Variants in PCDHA3 observed in about 807,000 individuals in gnomAD.
The protein encoded by PCDHA3 is protocadherin alpha 3.
A neutral mutation model predicts 62.2 loss-of-function variants in PCDHA3; 41 were observed. That is an observed-to-expected ratio of 0.66 (90% CI 0.51 to 0.86). PCDHA3 has a LOEUF of 0.86. Among genes scored for constraint, PCDHA3 ranks in the 40% least tolerant of loss-of-function variants. PCDHA3 has a pLI of 0.00. For missense variants in PCDHA3, 1,304 were observed against 1,241.2 expected (o/e 1.05, Z -0.76); for synonymous variants, 640 against 555.4 (o/e 1.15, Z -2.14).
chr5:140,829,227 C>T (rs2150164224), intron 1 of PCDHA3: 1 of 1,614,240 alleles, frequency 6.2e-7, no homozygotes, highest in African/African-American at 1.3e-5. Context: ...GACCTCGATT[C>T]AGGTGCCAAC....
At chr5:140,895,481 A>G (rs1344099308) in intron 1 of PCDHA3, among the ~76,000 whole-genome samples, 1 of 152,168 alleles carries the variant, frequency 6.6e-6, no homozygotes, top group African/African-American at 2.4e-5. Flanking sequence ...CTTCGGAGAA[A>G]TACCTATTCA....
chr5:140,838,261 C>T (rs2150150705), intron 1 of PCDHA3, among the ~76,000 whole-genome samples: 1 of 147,022 alleles, frequency 6.8e-6, no homozygotes, highest in African/African-American at 2.5e-5. Context: ...TTAAAGACGC[C>T]AACAACCAAG....
rs183542590 is a variant in PCDHA3 at position 140,969,555 on chromosome 5, C to T, written c.2395-9394C>T. On this transcript the variant is annotated intron_variant, in intron 1 of 3. Coordinates refer to ENST00000522353, the MANE Select transcript of PCDHA3 (RefSeq NM_018906.3). ...CATTTTCAGAGGCATGAAGCCTTGT[C>T]CATAAAATTGTTTGAGAAGTGAGGA... The T allele has an allele frequency of 1.2e-5, 15 of 1,213,382 alleles. 1 individual carries two copies. The highest frequency in any genetic ancestry group is 1.7e-5 in the South Asian group (1 of 59,354). The allele number at this position is 1,213,382 out of a possible 1,614,324, so 75.2% of individuals were successfully genotyped here. A position where few individuals can be genotyped will look rare whatever the true frequency, so the allele number is the denominator to read the frequency against.
intron 1 of PCDHA3, chr5:140,883,357 T>C: frequency 6.2e-7 from 1 of 1,614,094 alleles, no homozygotes; most frequent in Non-Finnish European, 8.5e-7. Context: ...GAGAAGACAC[T>C]CAGCCTAGCG....
At chr5:140,821,108 T>G (rs1766899044) in intron 1 of PCDHA3, among the ~76,000 whole-genome samples, 1 of 152,118 alleles carries the variant, frequency 6.6e-6, no homozygotes, top group Non-Finnish European at 1.5e-5. Context: ...ATGTCACTAT[T>G]AAACAGTGAA....
intron 1 of PCDHA3, chr5:140,809,254 C>G: frequency 1.2e-6 from 2 of 1,614,064 alleles, no homozygotes; most frequent in Non-Finnish European, 1.7e-6. Flanking sequence ...CTGTGGGTCC[C>G]GATGCTGCGC....
intron 1 of PCDHA3, chr5:140,859,027 C>T (rs1486669007): frequency 6.6e-6 from 1 of 150,752 alleles, no homozygotes; most frequent in Non-Finnish European, 1.5e-5. Context: ...AAGTTAAATG[C>T]TTTGAACTTT....
chr5:140,807,673 C>G (rs1764003393), intron 1 of PCDHA3: 1 of 1,614,182 alleles, frequency 6.2e-7, no homozygotes, highest in Non-Finnish European at 8.5e-7. Context: ...ATGCAGATAT[C>G]GGGGAGAACG....
At chr5:140,942,900 GA>G (rs1383279314) in intron 1 of PCDHA3, among the ~76,000 whole-genome samples, 1 of 151,718 alleles carries the variant, frequency 6.6e-6, no homozygotes, top group Non-Finnish European at 1.5e-5. Context: ...TTATCTCTAA[GA>G]ATAAGCGTGA....
intron 1 of PCDHA3, chr5:140,823,068 G>T (rs2150121914): frequency 3.1e-6 from 5 of 1,614,034 alleles, no homozygotes; most frequent in South Asian, 1.1e-5. Flanking sequence ...ACGGGGGCTC[G>T]CCTTCGCTGT....
intron 1 of PCDHA3, among the ~76,000 whole-genome samples, chr5:140,820,314 T>C (rs1766731198): frequency 1.3e-5 from 2 of 152,016 alleles, no homozygotes; most frequent in African/African-American, 4.8e-5. Flanking sequence ...CAATATCTTG[T>C]TTCTTTACAA....
intron 1 of PCDHA3, chr5:140,870,883 C>T: frequency 1.9e-6 from 3 of 1,613,920 alleles, no homozygotes; most frequent in Middle Eastern, 1.6e-4. Flanking sequence ...GGCGAAGGTG[C>T]GCGCAGTGGA....
chr5:140,877,298 A>C, intron 1 of PCDHA3: 1 of 1,613,870 alleles, frequency 6.2e-7, no homozygotes. Flanking sequence ...TGGCTGTCCT[A>C]CGAGTTGCAA....
intron 1 of PCDHA3, chr5:140,834,282 AC>A (rs1772883613): frequency 8.7e-7 from 1 of 1,147,956 alleles, no homozygotes; most frequent in Non-Finnish European, 1.2e-6. Flanking sequence ...CTTTGGATGC[AC>A]AACAATGGCC....
chr5:140,941,210 T>TTC (rs2092846943), intron 1 of PCDHA3, among the ~76,000 whole-genome samples: 12 of 100,630 alleles, frequency 1.2e-4, no homozygotes, highest in Admixed American at 4.7e-4. Context: ...TTCCTTTCTT[T>TTC]CTTCCTTTCT....
chr5:140,971,290 A>G (rs2096467357), intron 1 of PCDHA3, among the ~76,000 whole-genome samples: 1 of 152,204 alleles, frequency 6.6e-6, no homozygotes, highest in East Asian at 1.9e-4. Context: ...ATTAATATGT[A>G]CTTTGGTACA....
chr5:140,979,949 A>G (rs1554241287), intron 2 of PCDHA3, among the ~76,000 whole-genome samples: 2 of 152,248 alleles, frequency 1.3e-5, no homozygotes, highest in African/African-American at 4.8e-5. Context: ...TTAATGTGAA[A>G]TTAGTTTTAG....
intron 1 of PCDHA3, chr5:140,859,929 A>T (rs568538695): frequency 4.2e-4 from 64 of 152,162 alleles, no homozygotes; most frequent in African/African-American, 1.3e-3. Flanking sequence ...TAATATAAAA[A>T]ACTTAGTAAA....
intron 1 of PCDHA3, chr5:140,834,742 A>T: frequency 1.2e-6 from 2 of 1,614,196 alleles, no homozygotes; most frequent in Non-Finnish European, 1.7e-6. Flanking sequence ...TTCCATGTGG[A>T]CGTGGAGGTG....
Sources: allele counts gnomAD v4.1 joint callset (sites outside exome capture counted in the v4.1 genomes callset), GRCh38; gene constraint gnomAD v4.1.1; transcripts MANE v1.5; gene names NCBI Gene and HGNC (gene_info 2026-07-23, HGNC 2026-07-21).